NEGR1: variants seen among roughly 807,000 people sequenced by gnomAD.
NEGR1 encodes the protein neuronal growth regulator 1, also known as IgLON family member 4.
In NEGR1, 10 loss-of-function variants were observed where a neutral mutation model predicts 40.9. That is an observed-to-expected ratio of 0.24 (90% confidence interval 0.15 to 0.42). The LOEUF (loss-of-function observed/expected upper bound fraction) is 0.42, where lower values mean the gene tolerates loss of function less well. Among genes scored for constraint, NEGR1 ranks in the 10% least tolerant of loss-of-function variants. NEGR1 has a pLI of 1.00. For missense variants in NEGR1, 352 were observed against 438.9 expected, an observed-to-expected ratio of 0.80 and a Z score of 1.77; for synonymous variants, 185 against 166.8, an observed-to-expected ratio of 1.11 and a Z score of -0.84.
chr1:72,208,327 G>C (rs903790891), intron 1 of NEGR1, among the ~76,000 whole-genome samples: 7 of 151,656 alleles, frequency 4.6e-5, no homozygotes, highest in Admixed American at 4.6e-4. Flanking sequence ...TTAGTTTTAT[G>C]CCAATGCATT....
At chr1:72,128,388 G>A (rs1041617739) in intron 1 of NEGR1, among the ~76,000 whole-genome samples, 8 of 152,096 alleles carry the variant, frequency 5.3e-5, no homozygotes, top group African/African-American at 1.9e-4. Flanking sequence ...CATGAAACTT[G>A]TACATCTGAA....
At chr1:71,482,532 T>A (rs989230416) in intron 6 of NEGR1, among the ~76,000 whole-genome samples, 12 of 151,886 alleles carry the variant, frequency 7.9e-5, no homozygotes, top group Non-Finnish European at 1.3e-4. Flanking sequence ...ATGACTAAGA[T>A]AATTTTTATG....
intron 2 of NEGR1, among the ~76,000 whole-genome samples, chr1:71,909,264 T>G: frequency 6.6e-6 from 1 of 152,286 alleles, no homozygotes; most frequent in Middle Eastern, 3.4e-3. Flanking sequence ...CCATTTGAAA[T>G]GGCTGGTGGT....
intron 1 of NEGR1, among the ~76,000 whole-genome samples, chr1:71,981,811 A>G (rs111711363): frequency 0.034 from 5,164 of 152,056 alleles, 153 homozygotes; most frequent in Non-Finnish European, 0.049. Context: ...GAAGGGTTAG[A>G]GGCTTCATGC....
At chr1:71,432,844 G>A (rs1270344464) in intron 6 of NEGR1, among the ~76,000 whole-genome samples, 1 of 152,164 alleles carries the variant, frequency 6.6e-6, no homozygotes, top group African/African-American at 2.4e-5. Context: ...TAAGCTCCTG[G>A]ATGGTGTTGG....
chr1:72,006,270 A>G (rs1328431478), intron 1 of NEGR1, among the ~76,000 whole-genome samples: 1 of 152,160 alleles, frequency 6.6e-6, no homozygotes, highest in Non-Finnish European at 1.5e-5. Flanking sequence ...TCAGCCCCCA[A>G]GAATGTGTTA....
At chr1:71,581,698 A>AT (rs34224525) in intron 6 of NEGR1, among the ~76,000 whole-genome samples, 127,156 of 143,224 alleles carry the variant, frequency 0.89, 57,369 homozygotes, top group Non-Finnish European at 0.98. Context: ...ATTATACACA[A>AT]TTTTTTTTTT....
intron 2 of NEGR1, among the ~76,000 whole-genome samples, chr1:71,857,858 G>T (rs1314993264): frequency 6.6e-6 from 1 of 151,880 alleles, no homozygotes; most frequent in Non-Finnish European, 1.5e-5. Context: ...ACAATTTCTA[G>T]AGAATCTAAC....
intron 1 of NEGR1, among the ~76,000 whole-genome samples, chr1:72,074,636 A>C (rs1404291671): frequency 6.6e-6 from 1 of 152,100 alleles, no homozygotes; most frequent in Non-Finnish European, 1.5e-5. Context: ...TGATACAATA[A>C]ACTCCTATAA....
chr1:71,492,221 A>G (rs1302624082), intron 6 of NEGR1, among the ~76,000 whole-genome samples: 1 of 152,144 alleles, frequency 6.6e-6, no homozygotes, highest in Non-Finnish European at 1.5e-5. Context: ...ACAATCTAAA[A>G]TGCAAGTAAG....
chr1:71,947,558 C>T (rs556452349), intron 1 of NEGR1, among the ~76,000 whole-genome samples: 14 of 152,254 alleles, frequency 9.2e-5, no homozygotes, highest in Admixed American at 6.5e-4. Flanking sequence ...TTGTAAACCA[C>T]CTCTATTGCA....
intron 3 of NEGR1, among the ~76,000 whole-genome samples, chr1:71,719,933 A>G (rs1253715272): frequency 6.6e-6 from 1 of 152,096 alleles, no homozygotes; most frequent in Non-Finnish European, 1.5e-5. Context: ...TCCTGACCCT[A>G]TAAGAGTGCA....
intron 1 of NEGR1, among the ~76,000 whole-genome samples, chr1:72,129,638 A>C (rs2100309455): frequency 6.6e-6 from 1 of 152,326 alleles, no homozygotes. Context: ...AAGGAAGGCA[A>C]GTAGGGAGAT....
chr1:71,799,476 G>T (rs1318507146), intron 2 of NEGR1, among the ~76,000 whole-genome samples: 2 of 152,114 alleles, frequency 1.3e-5, no homozygotes, highest in African/African-American at 4.8e-5. Context: ...CCAAGTCTTT[G>T]CTAGTGTGAA....
At chr1:72,248,169 T>C (rs950284121) in intron 1 of NEGR1, among the ~76,000 whole-genome samples, 2 of 152,146 alleles carry the variant, frequency 1.3e-5, no homozygotes, top group Non-Finnish European at 2.9e-5. Context: ...GTATGAGATT[T>C]GGGCAGGAAC....
chr1:72,240,699 G>T (rs1255213573), intron 1 of NEGR1, among the ~76,000 whole-genome samples: 1 of 151,702 alleles, frequency 6.6e-6, no homozygotes, highest in Non-Finnish European at 1.5e-5. Flanking sequence ...ATTTCAAAGG[G>T]CCAAAAAATG....
At chr1:71,978,497 C>A (rs1646325905) in intron 1 of NEGR1, among the ~76,000 whole-genome samples, 1 of 151,918 alleles carries the variant, frequency 6.6e-6, no homozygotes, top group East Asian at 1.9e-4. Flanking sequence ...TGCTACCTAA[C>A]AACTACCAAA....
In NEGR1 at chr1:71,704,278, A is replaced by G. The variant is rs115421157; in HGVS notation, c.536-6139T>C. Among the ~76,000 whole-genome samples, 1,278 of 152,118 alleles carry G rather than the reference A, an allele frequency of 8.4e-3. 24 individuals carry two copies. The highest frequency in any genetic ancestry group is 0.029 in the African/African-American group (1,222 of 41,550). ...AGAACAAATAAAAGCTAAAGTAAAC[A>G]GAGCTATGGAAATAGTAAAGATGAT... is the stretch of plus-strand genomic sequence containing the variant. On this transcript the variant is annotated intron_variant, in intron 3 of 6. Coordinates refer to ENST00000357731, the MANE Select transcript of NEGR1 (RefSeq NM_173808.3).
Position 71,621,421 on chromosome 1 carries a change from G to T in NEGR1, c.668-10275C>A, listed in dbSNP as rs1310919148. Among the ~76,000 whole-genome samples the T allele has an allele frequency of 2.0e-5, 3 of 151,736 alleles. No individual in the cohort carries two copies. In the East Asian group the frequency reaches 5.8e-4, roughly 29 times the overall value. ...TGGTACATTACTTGGGTATATAAAA[G>T]ATCATGTCAGTTACATTAAACATAT... On this transcript the variant is annotated intron_variant, in intron 4 of 6. Transcript: ENST00000357731.
Sources: allele counts gnomAD v4.1 joint callset (sites outside exome capture counted in the v4.1 genomes callset), GRCh38; gene constraint gnomAD v4.1.1; transcripts MANE v1.5; gene names NCBI Gene and HGNC (gene_info 2026-07-23, HGNC 2026-07-21).